Variants in BMPR1B observed in about 807,000 individuals in gnomAD.
BMPR1B encodes bone morphogenetic protein receptor type-1B.
In BMPR1B, 12 loss-of-function variants were observed where a neutral mutation model predicts 59.1. That is an observed-to-expected ratio of 0.20 (90% CI 0.13 to 0.33). The LOEUF is 0.33. Among genes scored for constraint, BMPR1B ranks in the 10% least tolerant of loss-of-function variants. The pLI, the probability that BMPR1B is intolerant of heterozygous loss-of-function variation, is 1.00. For synonymous variants in BMPR1B, 237 were observed against 207.3 expected (o/e 1.14, Z -1.23); for missense variants, 550 against 610.9 (o/e 0.90, Z 1.05).
chr4:94,975,060 C>T (rs1002164817), intron 2 of BMPR1B, among the ~76,000 whole-genome samples: 1 of 152,172 alleles, frequency 6.6e-6, no homozygotes, highest in African/African-American at 2.4e-5. Context: ...ACGAAACTTC[C>T]AGTTTGTTAT....
intron 1 of BMPR1B, among the ~76,000 whole-genome samples, chr4:94,799,063 G>A (rs1723299446): frequency 2.0e-5 from 3 of 150,782 alleles, no homozygotes; most frequent in South Asian, 2.1e-4. Context: ...CCCCATAAAG[G>A]TTTTCTCTCT....
intron 1 of BMPR1B, among the ~76,000 whole-genome samples, chr4:94,784,900 A>G (rs908129472): frequency 1.3e-5 from 2 of 152,188 alleles, no homozygotes; most frequent in African/African-American, 4.8e-5. Flanking sequence ...TGTGACCTTT[A>G]GGGTAAGAGT....
chr4:95,144,986 C>T (rs1734538827), intron 10 of BMPR1B, among the ~76,000 whole-genome samples: 1 of 152,104 alleles, frequency 6.6e-6, no homozygotes, highest in African/African-American at 2.4e-5. Context: ...CTGGATCCTG[C>T]TGGGTTCTTT....
At chr4:94,774,342 C>G (rs1336968062) in intron 1 of BMPR1B, among the ~76,000 whole-genome samples, 1 of 151,930 alleles carries the variant, frequency 6.6e-6, no homozygotes, top group Non-Finnish European at 1.5e-5. Context: ...GAATTGTTTG[C>G]TCTTAAGGAA....
chr4:94,803,812 C>G (rs1723500643), intron 1 of BMPR1B, among the ~76,000 whole-genome samples: 1 of 152,060 alleles, frequency 6.6e-6, no homozygotes, highest in Non-Finnish European at 1.5e-5. Flanking sequence ...AAAGTAGAAG[C>G]TTGGGCCATA....
chr4:94,848,472 T>G (rs1725430258), intron 1 of BMPR1B, among the ~76,000 whole-genome samples: 1 of 152,134 alleles, frequency 6.6e-6, no homozygotes, highest in Non-Finnish European at 1.5e-5. Context: ...ATGTGCCCAA[T>G]GCGCTTGAAG....
chr4:94,993,788 T>TGACAGGG (rs1445752797), intron 2 of BMPR1B, among the ~76,000 whole-genome samples: 2 of 142,346 alleles, frequency 1.4e-5, no homozygotes, highest in South Asian at 2.2e-4. Flanking sequence ...AAAAAAAGTA[T>TGACAGGG]GACAGGGTGA....
intron 2 of BMPR1B, among the ~76,000 whole-genome samples, chr4:94,894,629 G>T (rs1243436259): frequency 6.6e-6 from 1 of 151,900 alleles, no homozygotes; most frequent in Non-Finnish European, 1.5e-5. Flanking sequence ...GTTCCCAATA[G>T]AACGGTTTAA....
intron 3 of BMPR1B, among the ~76,000 whole-genome samples, chr4:95,077,658 T>A (rs935844268): frequency 2.0e-5 from 3 of 152,122 alleles, no homozygotes; most frequent in Non-Finnish European, 2.9e-5. Context: ...AAATTAGAAT[T>A]TAGTAAAGTT....
chr4:94,828,100 G>A (rs190794650), intron 1 of BMPR1B, among the ~76,000 whole-genome samples: 10 of 152,248 alleles, frequency 6.6e-5, no homozygotes, highest in Admixed American at 1.3e-4. Flanking sequence ...CATTTTATTC[G>A]TAAATGTGAA....
At chr4:94,851,636 T>TTATACAGC (rs1725569070) in intron 1 of BMPR1B, among the ~76,000 whole-genome samples, 1 of 151,510 alleles carries the variant, frequency 6.6e-6, no homozygotes, top group South Asian at 2.1e-4. Context: ...TACCTCTAAT[T>TTATACAGC]TATACAGCTA....
chr4:94,781,532 C>T (rs970327760), intron 1 of BMPR1B, among the ~76,000 whole-genome samples: 2 of 152,152 alleles, frequency 1.3e-5, no homozygotes, highest in African/African-American at 4.8e-5. Context: ...CCTGCCTCAG[C>T]CTCCCGAGTA....
chr4:95,130,761 C>T (rs1465731305), intron 9 of BMPR1B, among the ~76,000 whole-genome samples: 7 of 121,682 alleles, frequency 5.8e-5, no homozygotes, highest in Non-Finnish European at 1.1e-4. Context: ...GATAAAGTCT[C>T]GCTCTGTCAC....
At chr4:94,898,878 G>T (rs1355271871) in intron 2 of BMPR1B, among the ~76,000 whole-genome samples, 4 of 152,010 alleles carry the variant, frequency 2.6e-5, no homozygotes, top group Admixed American at 6.6e-5. Flanking sequence ...GTAATAGCTT[G>T]TATAGTTGTA....
At chr4:95,113,721 G>A (rs2149276385) in intron 4 of BMPR1B, among the ~76,000 whole-genome samples, 1 of 152,244 alleles carries the variant, frequency 6.6e-6, no homozygotes, top group South Asian at 2.1e-4. Context: ...GTATATAACA[G>A]ATGTGTTTTT....
chr4:94,975,386 C>G lies in BMPR1B; in HGVS notation c.-112-20654C>G, dbSNP rs534054270. 7.7e-3 allele frequency among the ~76,000 whole-genome samples: 602 copies of G among 78,262 alleles called. 2 individuals carry two copies. The highest frequency in any genetic ancestry group is 0.024 in the African/African-American group (576 of 24,120). 51.3% of individuals were successfully genotyped at this position (78,262 alleles called of 152,430 possible). A position where few individuals can be genotyped will look rare whatever the true frequency, so the allele number is the denominator to read the frequency against. ...TTGTTTTTTTTTTTTTTTTTTGAGA[C>G]GGGGTCTCATCCCGTCACCCAGGCT... On this transcript the variant is annotated intron_variant, in intron 2 of 12. Transcript: ENST00000515059.
At chr4:94,910,032 G>A (rs1460278648) in intron 2 of BMPR1B, among the ~76,000 whole-genome samples, 1 of 151,724 alleles carries the variant, frequency 6.6e-6, no homozygotes, top group Non-Finnish European at 1.5e-5. Flanking sequence ...TTAAAAGAGC[G>A]AGACTCCGTC....
chr4:94,988,790 G>A (rs1417650687), intron 2 of BMPR1B, among the ~76,000 whole-genome samples: 1 of 151,980 alleles, frequency 6.6e-6, no homozygotes, highest in African/African-American at 2.4e-5. Flanking sequence ...GAACCTTAGA[G>A]TTAAAGGTAA....
At chr4:94,965,581 A>G (rs547603522) in intron 2 of BMPR1B, among the ~76,000 whole-genome samples, 25 of 152,322 alleles carry the variant, frequency 1.6e-4, no homozygotes, top group Non-Finnish European at 3.5e-4. Context: ...TTTGTCTACA[A>G]ATTTATTTTC....
Sources: gnomAD v4.1 joint callset for allele counts (sites outside exome capture counted in the v4.1 genomes callset) on GRCh38, gnomAD v4.1.1 for gene constraint, MANE v1.5 for transcripts, NCBI Gene and HGNC (gene_info 2026-07-23, HGNC 2026-07-21) for gene names.